Variants in MACROD2 observed in about 807,000 individuals in gnomAD.
MACROD2 encodes mono-ADP ribosylhydrolase 2.
MACROD2 carries 36 observed loss-of-function variants against 70.4 expected under a neutral mutation model. That is an observed-to-expected ratio of 0.51 (90% CI 0.39 to 0.68). The LOEUF is 0.68. Among genes scored for constraint, MACROD2 ranks in the 30% least tolerant of loss-of-function variants. The pLI, the probability that MACROD2 is intolerant of heterozygous loss-of-function variation, is 0.00. For synonymous variants in MACROD2, 172 were observed against 178.8 expected, an observed-to-expected ratio of 0.96 and a Z score of 0.30; for missense variants, 496 against 538.4, an observed-to-expected ratio of 0.92 and a Z score of 0.78.
At chr20:15,437,605 A>G (rs931676890) in intron 7 of MACROD2, among the ~76,000 whole-genome samples, 5 of 152,260 alleles carry the variant, frequency 3.3e-5, no homozygotes, top group South Asian at 2.1e-4. Flanking sequence ...TCACCCAGGT[A>G]TTGAGCCCAG....
rs575827572 is a variant in MACROD2, at chr20:14,468,827, A to G, written c.272-24652A>G. Among the ~76,000 whole-genome samples, 343 of 152,094 alleles carry G rather than the reference A, an allele frequency of 2.3e-3. 3 individuals carry two copies. The highest frequency in any genetic ancestry group is 7.6e-3 in the African/African-American group (317 of 41,456). On this transcript the variant is annotated intron_variant, in intron 3 of 17. Transcript: ENST00000684519. ...GCCCAGCCTCTATGTGTGTCATTAC[A>G]TGTGTGTCATTACATGGGTCTCCTG...
At chr20:15,211,337 A>G (rs971820203) in intron 5 of MACROD2, among the ~76,000 whole-genome samples, 2 of 152,180 alleles carry the variant, frequency 1.3e-5, no homozygotes, top group Non-Finnish European at 2.9e-5. Context: ...TTATTCATTC[A>G]TCAGTTGATG....
At chr20:15,570,765 G>T (rs542469996) in intron 8 of MACROD2, among the ~76,000 whole-genome samples, 1 of 152,124 alleles carries the variant, frequency 6.6e-6, no homozygotes, top group African/African-American at 2.4e-5. Flanking sequence ...AGATTCACTC[G>T]AATTGGACCA....
At chr20:14,493,416 C>A in intron 3 of MACROD2, 63 bp from the exon 4 acceptor site, 2 of 1,358,110 alleles carry the variant, frequency 1.5e-6, no homozygotes, top group East Asian at 4.7e-5. Flanking sequence ...TTGAATTACT[C>A]TGATATACTA....
intron 5 of MACROD2, among the ~76,000 whole-genome samples, chr20:14,741,266 A>T (rs980666426): frequency 1.3e-5 from 2 of 152,172 alleles, no homozygotes; most frequent in African/African-American, 4.8e-5. Context: ...GTTTTCCTTT[A>T]GACCAAGCAT....
intron 5 of MACROD2, among the ~76,000 whole-genome samples, chr20:14,716,665 C>T (rs1055862486): frequency 1.3e-5 from 2 of 151,974 alleles, no homozygotes; most frequent in Non-Finnish European, 2.9e-5. Flanking sequence ...AAATGCAGTT[C>T]AATTATATAC....
chr20:15,650,357 G>GA, intron 8 of MACROD2, among the ~76,000 whole-genome samples: 1 of 152,170 alleles, frequency 6.6e-6, no homozygotes, highest in South Asian at 2.1e-4. Context: ...TTGAGTCTCT[G>GA]AAAAAAAATT....
chr20:14,805,278 C>T (rs2122153808), intron 5 of MACROD2, among the ~76,000 whole-genome samples: 1 of 152,130 alleles, frequency 6.6e-6, no homozygotes. Flanking sequence ...CATGTATGGG[C>T]CATGGATTGA....
intron 3 of MACROD2, among the ~76,000 whole-genome samples, chr20:14,478,298 A>G (rs2084621227): frequency 6.6e-6 from 1 of 152,112 alleles, no homozygotes; most frequent in Non-Finnish European, 1.5e-5. Context: ...CATATCCCCA[A>G]GATATTGGAT....
At chr20:14,144,586 C>T (rs146985924) in intron 3 of MACROD2, among the ~76,000 whole-genome samples, 1 of 152,260 alleles carries the variant, frequency 6.6e-6, no homozygotes, top group African/African-American at 2.4e-5. Flanking sequence ...TCTTACAGCA[C>T]TTATGGTCTA....
chr20:14,201,086 A>T (rs1201748295), intron 3 of MACROD2, among the ~76,000 whole-genome samples: 1 of 151,930 alleles, frequency 6.6e-6, no homozygotes, highest in African/African-American at 2.4e-5. Context: ...CATTTATGAG[A>T]TTAATGCTAA....
At chr20:13,998,352 T>A (rs1569107035) in intron 1 of MACROD2, among the ~76,000 whole-genome samples, 1 of 152,140 alleles carries the variant, frequency 6.6e-6, no homozygotes, top group African/African-American at 2.4e-5. Context: ...TTTAAATTGA[T>A]CTCGTTTTTA....
At chr20:14,456,183 T>G (rs139828280) in intron 3 of MACROD2, among the ~76,000 whole-genome samples, 11 of 152,016 alleles carry the variant, frequency 7.2e-5, no homozygotes, top group Non-Finnish European at 1.5e-4. Flanking sequence ...AGCCTTCAGA[T>G]AACAGTCTTT....
chr20:14,926,207 T>G (rs187127348), intron 5 of MACROD2, among the ~76,000 whole-genome samples: 1 of 152,102 alleles, frequency 6.6e-6, no homozygotes, highest in Non-Finnish European at 1.5e-5. Flanking sequence ...TAGGGCATTA[T>G]TTAAACATTT....
intron 5 of MACROD2, among the ~76,000 whole-genome samples, chr20:15,118,047 G>A (rs113361715): frequency 3.9e-5 from 6 of 152,078 alleles, no homozygotes; most frequent in African/African-American, 1.4e-4. Context: ...CAGGATTGAT[G>A]GGTACCCTTT....
intron 13 of MACROD2, among the ~76,000 whole-genome samples, chr20:15,968,798 TATATA>T: frequency 1.1e-3 from 1 of 882 alleles, no homozygotes; most frequent in Non-Finnish European, 2.0e-3. Context: ...ATATTATGCG[TATATA>T]TATATATATA....
chr20:14,360,579 T>C (rs1216335481), intron 3 of MACROD2, among the ~76,000 whole-genome samples: 1 of 152,298 alleles, frequency 6.6e-6, no homozygotes. Context: ...AATGAGTCAC[T>C]TCATCTCTCC....
intron 10 of MACROD2, among the ~76,000 whole-genome samples, chr20:15,888,961 TCTC>T (rs2147215729): frequency 6.6e-6 from 1 of 152,216 alleles, no homozygotes; most frequent in African/African-American, 2.4e-5. Context: ...CATCAATTCT[TCTC>T]ATTCAAATAG....
At chr20:14,236,883 T>C (rs1252858784) in intron 3 of MACROD2, among the ~76,000 whole-genome samples, 1 of 152,188 alleles carries the variant, frequency 6.6e-6, no homozygotes, top group African/African-American at 2.4e-5. Flanking sequence ...CAGTGTTTAT[T>C]ATAAATTTCT....
Sources: allele counts gnomAD v4.1 joint callset (sites outside exome capture counted in the v4.1 genomes callset), GRCh38; gene constraint gnomAD v4.1.1; transcripts MANE v1.5; gene names NCBI Gene and HGNC (gene_info 2026-07-23, HGNC 2026-07-21).